RASEF: variants seen among roughly 807,000 people sequenced by gnomAD.
RASEF encodes RAS and EF-hand domain containing.
In RASEF, 68 loss-of-function variants were observed where a neutral mutation model predicts 90.1. That is an observed-to-expected ratio of 0.75 (90% CI 0.62 to 0.92). RASEF has a LOEUF of 0.92. RASEF is among the 40% of genes least tolerant of loss of function. RASEF has a pLI of 0.00. For missense variants in RASEF, 949 were observed against 937.2 expected (o/e 1.01, Z -0.16); for synonymous variants, 331 against 345.2 (o/e 0.96, Z 0.46).
At chr9:82,983,424 C>T (rs1828653725) in intron 16 of RASEF, among the ~76,000 whole-genome samples, 1 of 152,176 alleles carries the variant, frequency 6.6e-6, no homozygotes, top group South Asian at 2.1e-4. Flanking sequence ...GTCTTACTCT[C>T]CAAGATCTTA....
intron 1 of RASEF, among the ~76,000 whole-genome samples, chr9:83,047,455 A>AT (rs1306386319): frequency 1.3e-5 from 2 of 152,126 alleles, no homozygotes; most frequent in African/African-American, 4.8e-5. Context: ...AAATTCCCTT[A>AT]TTTTTTATTA....
At chr9:83,209,571 G>A in the RASEF span, among the ~76,000 whole-genome samples, 1 of 152,248 alleles carries the variant, frequency 6.6e-6, no homozygotes, top group Non-Finnish European at 1.5e-5. Context: ...GTTGCTGCAA[G>A]TCATTGGAGA....
chr9:83,105,272 A>G, the RASEF span, among the ~76,000 whole-genome samples: 1 of 152,242 alleles, frequency 6.6e-6, no homozygotes, highest in Non-Finnish European at 1.5e-5. Context: ...TCACAAAGTC[A>G]AATGAGATAG....
the RASEF span, chr9:83,201,010 C>G: frequency 6.6e-6 from 1 of 152,148 alleles, no homozygotes; most frequent in African/African-American, 2.4e-5. Context: ...TGAGTTTGAT[C>G]AAAGGATCTA....
intron 5 of RASEF, among the ~76,000 whole-genome samples, chr9:83,011,435 C>A (rs768405914): frequency 5.3e-5 from 8 of 150,432 alleles, no homozygotes; most frequent in Non-Finnish European, 1.0e-4. Context: ...ATCTATAGTT[C>A]CAGCTACTTG....
chr9:83,152,873 T>C, the RASEF span, among the ~76,000 whole-genome samples: 4 of 152,178 alleles, frequency 2.6e-5, no homozygotes, highest in East Asian at 5.8e-4. Context: ...CTTTAGGCAC[T>C]GTTGACAAGA....
chr9:83,000,221 G>A lies in RASEF; in HGVS notation c.1671C>T (p.Phe557=), dbSNP rs1480685109. 6.2e-7 allele frequency: 1 copy of A among 1,613,908 alleles called. No homozygotes were observed. The highest frequency in any genetic ancestry group is 8.5e-7 in the Non-Finnish European group (1 of 1,179,966). ...AGDAAVGKSS[F]LMRLCKNEFR... Reference sequence around the variant, plus strand: ...ATTCATTCTTGCAAAGTCTCATGAGGAAACTAGACTTCCCCACTGCAGCGT... The same window carrying A: ...ATTCATTCTTGCAAAGTCTCATGAGAAAACTAGACTTCCCCACTGCAGCGT... The change falls in exon 12 of 17, where the codon TTC becomes TTT. Residue 557 remains phenylalanine (F), a synonymous_variant. Coordinates refer to ENST00000376447, the MANE Select transcript of RASEF (RefSeq NM_152573.4).
the RASEF span, among the ~76,000 whole-genome samples, chr9:83,158,331 T>A: frequency 1.3e-5 from 2 of 152,046 alleles, no homozygotes; most frequent in Admixed American, 6.6e-5. Context: ...GAAGAAAAAA[T>A]TATTTCTGAA....
the RASEF span, among the ~76,000 whole-genome samples, chr9:83,202,750 G>T: frequency 2.0e-5 from 3 of 151,932 alleles, no homozygotes; most frequent in Admixed American, 1.3e-4. Flanking sequence ...CTCCCACCTC[G>T]CAAAGTGCTG....
Position 82,990,467 on chromosome 9 carries a change from T to G in RASEF, c.2041A>C (p.Thr681Pro). The G allele has an allele frequency of 6.2e-7, 1 of 1,610,020 alleles. No homozygotes were observed. Among genetic ancestry groups the G allele is most frequent in the Non-Finnish European group, 8.5e-7 (1 of 1,176,986 alleles). The stretch of plus-strand genomic sequence containing the variant: ...GTTTCACAGAATAATGCCCCATACG[T>G]CTGTAAAAAAGAAATACACACAATT... ...PGHFGEKLAM[T>P]YGALFCETSA... The change falls in exon 16 of 17, where the codon ACG (threonine) becomes CCG (proline). Residue 681 changes from threonine to proline, a missense_variant and splice_region_variant. By Grantham distance (38) the Thr-to-Pro change is conservative. Around this residue, in one of 3 missense-constraint regions of RASEF, gnomAD observed 288 missense variants for 328.4 expected, o/e 0.88. Coordinates refer to ENST00000376447, the MANE Select transcript of RASEF (RefSeq NM_152573.4).
the RASEF span, among the ~76,000 whole-genome samples, chr9:83,155,591 A>C: frequency 6.6e-5 from 10 of 151,960 alleles, no homozygotes; most frequent in Admixed American, 1.3e-4. Flanking sequence ...TGAGAGCTAC[A>C]GTTCAAGATG....
At chr9:83,057,031 C>T (rs992117812) in intron 1 of RASEF, among the ~76,000 whole-genome samples, 4 of 152,084 alleles carry the variant, frequency 2.6e-5, no homozygotes. Context: ...AAGTGGCCAC[C>T]ACCCAGCAAG....
At chr9:83,103,901 GT>G in the RASEF span, among the ~76,000 whole-genome samples, 2 of 152,116 alleles carry the variant, frequency 1.3e-5, no homozygotes, top group Non-Finnish European at 2.9e-5. Flanking sequence ...TAATCAACAT[GT>G]TATGACTGCT....
At chr9:83,043,837 T>C (rs575342835) in intron 1 of RASEF, among the ~76,000 whole-genome samples, 2 of 152,298 alleles carry the variant, frequency 1.3e-5, no homozygotes, top group East Asian at 1.9e-4. Context: ...TATTCAGGGA[T>C]TCTGTTAAAA....
At chr9:82,999,158 C>T (rs1828977187) in intron 12 of RASEF, among the ~76,000 whole-genome samples, 1 of 151,604 alleles carries the variant, frequency 6.6e-6, no homozygotes, top group South Asian at 2.1e-4. Context: ...ACTCTTTAGA[C>T]GAAGAAGAAA....
chr9:83,216,500 G>T, the RASEF span, among the ~76,000 whole-genome samples: 1 of 152,196 alleles, frequency 6.6e-6, no homozygotes, highest in Non-Finnish European at 1.5e-5. Flanking sequence ...TCTTGAGCCT[G>T]CGGGTACACA....
chr9:82,991,107 C>T (rs1344630705), intron 15 of RASEF, among the ~76,000 whole-genome samples: 1 of 152,144 alleles, frequency 6.6e-6, no homozygotes, highest in African/African-American at 2.4e-5. Flanking sequence ...CACCTCCCAC[C>T]TCACTCATCC....
At chr9:83,154,482 A>T in the RASEF span, among the ~76,000 whole-genome samples, 1 of 152,140 alleles carries the variant, frequency 6.6e-6, no homozygotes, top group African/African-American at 2.4e-5. Context: ...TTCTCTCTGC[A>T]TGAGTCACAG....
chr9:83,017,499 C>CAA (rs35361702), intron 3 of RASEF, among the ~76,000 whole-genome samples: 133 of 144,712 alleles, frequency 9.2e-4, no homozygotes, highest in East Asian at 8.6e-3. Context: ...GACTCTGTCT[C>CAA]AAAAAAAAAA....
Sources: allele counts gnomAD v4.1 joint callset (sites outside exome capture counted in the v4.1 genomes callset), GRCh38; gene constraint gnomAD v4.1.1; regional missense constraint gnomAD v4.1.1; transcripts MANE v1.5; gene names NCBI Gene and HGNC (gene_info 2026-07-23, HGNC 2026-07-21).